DHRS7B: variants seen among roughly 807,000 people sequenced by gnomAD.
The protein encoded by DHRS7B is dehydrogenase/reductase 7B.
DHRS7B carries 24 observed loss-of-function variants against 26.4 expected under a neutral mutation model. The observed-to-expected ratio is 0.91, with a 90% confidence interval of 0.66 to 1.28. The LOEUF (loss-of-function observed/expected upper bound fraction) is 1.28. Ranked by LOEUF, DHRS7B falls within the 50% of genes most tolerant of loss-of-function variation. DHRS7B has a pLI of 0.00. For missense variants in DHRS7B, 368 were observed against 419.4 expected, an observed-to-expected ratio of 0.88 and a Z score of 1.07; for synonymous variants, 142 against 166.4, an observed-to-expected ratio of 0.85 and a Z score of 1.13.
chr17:21,178,158 C>T, intron 2 of DHRS7B, 75 bp from the exon 3 acceptor site: 2 of 1,425,648 alleles, frequency 1.4e-6, no homozygotes, highest in East Asian at 2.3e-5. Flanking sequence ...AAGCAGCAAA[C>T]AGCAACGCTG....
At chr17:21,138,576 T>C (rs1235309826) in intron 1 of DHRS7B, among the ~76,000 whole-genome samples, 1 of 152,124 alleles carries the variant, frequency 6.6e-6, no homozygotes, top group East Asian at 1.9e-4. Context: ...AAATTTACCA[T>C]ACAATATTCT....
chr17:21,140,360 G>C (rs1007362751), intron 1 of DHRS7B, among the ~76,000 whole-genome samples: 1 of 151,896 alleles, frequency 6.6e-6, no homozygotes, highest in South Asian at 2.1e-4. Flanking sequence ...TGTCAGCTAC[G>C]TAGCCTTAAA....
chr17:21,139,948 C>T (rs1266819081), intron 1 of DHRS7B, among the ~76,000 whole-genome samples: 1 of 150,662 alleles, frequency 6.6e-6, no homozygotes, highest in Non-Finnish European at 1.5e-5. Flanking sequence ...CATACACAGA[C>T]ATATAGGCAT....
In DHRS7B at chr17:21,171,086, G is replaced by A. The variant is rs1416204544; in HGVS notation, c.21-932G>A. 3.3e-5 allele frequency among the ~76,000 whole-genome samples: 5 copies of A among 152,080 alleles called. No individual in the cohort carries two copies. In the East Asian group the frequency reaches 5.8e-4, roughly 18 times the overall value. ...TTGTCTCATAGACTCTGGCTCGCTC[G>A]TCAAGTGGCCTTCCAGGGCATTGCT... On this transcript the variant is annotated intron_variant, in intron 1 of 6. Coordinates refer to ENST00000395511, the MANE Select transcript of DHRS7B (RefSeq NM_015510.5).
intron 1 of DHRS7B, among the ~76,000 whole-genome samples, chr17:21,170,512 C>T (rs937304492): frequency 3.3e-5 from 5 of 152,090 alleles, no homozygotes; most frequent in Non-Finnish European, 5.9e-5. Flanking sequence ...TTTATCCATG[C>T]AGCAGATAGT....
chr17:21,177,608 G>A (rs575668482), intron 2 of DHRS7B, among the ~76,000 whole-genome samples: 2 of 152,248 alleles, frequency 1.3e-5, no homozygotes, highest in Non-Finnish European at 2.9e-5. Context: ...AGGTGCTTGC[G>A]TGCACTGACT....
Position 21,191,109 on chromosome 17 carries a change from A to T in DHRS7B, c.934A>T (p.Met312Leu), listed in dbSNP as rs1452295600. The T allele has an allele frequency of 6.2e-7, 1 of 1,614,052 alleles. No individual in the cohort carries two copies. Among genetic ancestry groups the T allele is most frequent in the Non-Finnish European group, 8.5e-7 (1 of 1,180,046 alleles). Residue 312 changes from methionine to leucine, a missense_variant, in exon 7 of 7, where the codon ATG becomes TTG. Transcript: ENST00000395511. ...GGCTCCTGGGCTCTTCTTCAGCCTC[A>T]TGGCCTCCAGGGCCAGAAAAGAGCG... ...TLAPGLFFSL[M>L]ASRARKERKS...
chr17:21,132,554 A>C (rs1052119268), intron 1 of DHRS7B, among the ~76,000 whole-genome samples: 8 of 150,186 alleles, frequency 5.3e-5, no homozygotes, highest in South Asian at 4.2e-4. Context: ...AAAAAACAAA[A>C]AAAAAACAGG....
At chr17:21,184,602 C>G (rs1974589876) in intron 5 of DHRS7B, 139 bp downstream of exon 5, 1 of 832,258 alleles carries the variant, frequency 1.2e-6, no homozygotes, top group Non-Finnish European at 1.9e-6. Context: ...AATGTGTTCT[C>G]CAGAGCCACA....
rs773519017 is a variant in DHRS7B, at chr17:21,191,259, A to G, written c.*106A>G. On this transcript the variant is annotated 3_prime_UTR_variant, in exon 7 of 7. Coordinates refer to ENST00000395511, the MANE Select transcript of DHRS7B (RefSeq NM_015510.5). ...AGACTTTAATGGAGATTTGTCTCAC[A>G]AGTGGGAAAGACTGAAGAAACACAT... is the stretch of plus-strand genomic sequence containing the variant. The G allele has an allele frequency of 1.4e-5, 17 of 1,202,038 alleles. No homozygotes were observed. Among genetic ancestry groups the G allele is most frequent in the Non-Finnish European group, 1.8e-5 (15 of 841,482 alleles). 74.5% of individuals were successfully genotyped at this position (1,202,038 alleles called of 1,614,324 possible). A position where few individuals can be genotyped will look rare whatever the true frequency, so the allele number is the denominator to read the frequency against.
intron 1 of DHRS7B, among the ~76,000 whole-genome samples, chr17:21,150,548 C>T (rs779220480): frequency 3.3e-5 from 5 of 152,070 alleles, no homozygotes; most frequent in Non-Finnish European, 5.9e-5. Flanking sequence ...ACCCAGGAGG[C>T]GGAGGTTGCA....
intron 5 of DHRS7B, among the ~76,000 whole-genome samples, chr17:21,185,696 T>G (rs2144222267): frequency 6.6e-6 from 1 of 152,298 alleles, no homozygotes; most frequent in Non-Finnish European, 1.5e-5. Flanking sequence ...AAGAGGTTTT[T>G]TTTTTTTGGA....
At chr17:21,190,918 C>T in intron 6 of DHRS7B, 30 bp from the exon 7 acceptor site, 1 of 1,610,572 alleles carries the variant, frequency 6.2e-7, no homozygotes. Context: ...CTTCCAAGTT[C>T]ATGTGTTTCT....
At chr17:21,181,001 ATCTCCTTAGATTTATTGCCAAGTGT>A (rs1974504471) in intron 3 of DHRS7B, among the ~76,000 whole-genome samples, 1 of 152,170 alleles carries the variant, frequency 6.6e-6, no homozygotes, top group African/African-American at 2.4e-5. Context: ...ACAGTCTTTT[ATCTCCTTAGATTTATTGCCAAGTGT>A]TTGTCTTAGT....
intron 1 of DHRS7B, chr17:21,128,997 G>A (rs1208804903): frequency 1.3e-5 from 2 of 152,032 alleles, no homozygotes; most frequent in African/African-American, 4.8e-5. Flanking sequence ...AGAACCTAGC[G>A]CTTAGCTACA....
At chr17:21,142,708 C>G (rs1973545847) in intron 1 of DHRS7B, among the ~76,000 whole-genome samples, 1 of 151,858 alleles carries the variant, frequency 6.6e-6, no homozygotes, top group Non-Finnish European at 1.5e-5. Flanking sequence ...CCGCCGTTAC[C>G]CTGGGGGCTT....
intron 1 of DHRS7B, among the ~76,000 whole-genome samples, chr17:21,169,309 G>A (rs1219258455): frequency 6.6e-6 from 1 of 152,210 alleles, no homozygotes; most frequent in East Asian, 1.9e-4. Flanking sequence ...GGTCCCTTCA[G>A]ACAGTCTTGG....
intron 1 of DHRS7B, among the ~76,000 whole-genome samples, chr17:21,151,861 A>G (rs898612038): frequency 6.6e-6 from 1 of 152,176 alleles, no homozygotes; most frequent in Non-Finnish European, 1.5e-5. Flanking sequence ...AGGTGATTGG[A>G]TCATGAGGAA....
chr17:21,161,642 A>G (rs1974002399), intron 1 of DHRS7B, among the ~76,000 whole-genome samples: 1 of 152,226 alleles, frequency 6.6e-6, no homozygotes, highest in Non-Finnish European at 1.5e-5. Context: ...GAAGACATGT[A>G]TCTGTGAAGA....
Sources: gnomAD v4.1 joint callset for allele counts (sites outside exome capture counted in the v4.1 genomes callset) on GRCh38, gnomAD v4.1.1 for gene constraint, MANE v1.5 for transcripts, NCBI Gene and HGNC (gene_info 2026-07-23, HGNC 2026-07-21) for gene names.